PDE1C: variants seen among roughly 807,000 people sequenced by gnomAD.
PDE1C encodes the protein phosphodiesterase 1C.
Under a neutral mutation model 93.1 loss-of-function variants are expected in PDE1C, and 62 were observed. That is an observed-to-expected ratio of 0.67 (90% CI 0.54 to 0.82). The LOEUF is 0.82. Ranked by LOEUF, PDE1C falls within the 40% of genes least tolerant of loss-of-function variation. The probability of loss-of-function intolerance (pLI) is 0.00; values close to 1 mark genes in which losing one functional copy is unlikely to be tolerated. For synonymous variants in PDE1C, 325 were observed against 310.1 expected, an observed-to-expected ratio of 1.05 and a Z score of -0.50; for missense variants, 742 against 884.6, an observed-to-expected ratio of 0.84 and a Z score of 2.04.
intron 9 of PDE1C, among the ~76,000 whole-genome samples, chr7:31,845,474 A>G (rs1792445118): frequency 6.6e-6 from 1 of 152,116 alleles, no homozygotes; most frequent in African/African-American, 2.4e-5. Flanking sequence ...AGTAAGCAAT[A>G]CATCAGATAT....
Position 31,901,235 on chromosome 7 carries a change from G to C in PDE1C, c.129-20375C>G, listed in dbSNP as rs146194939. On this transcript the variant is annotated intron_variant, in intron 2 of 17. Coordinates refer to ENST00000396191, the MANE Select transcript of PDE1C (RefSeq NM_001191057.4). ...TTGAACAAAAATTTCATTACTTTTAGATTATAAAAAGTTCAATAAATTTTA... is the reference window on the plus strand; with the variant it reads ...TTGAACAAAAATTTCATTACTTTTACATTATAAAAAGTTCAATAAATTTTA... Among the ~76,000 whole-genome samples the C allele has an allele frequency of 4.7e-3, 705 of 151,036 alleles. 6 individuals carry two copies. Among genetic ancestry groups the C allele is most frequent in the African/African-American group, 0.016 (653 of 41,372 alleles).
chr7:32,111,698 C>CA (rs548571776), intron 3 of PDE1C, among the ~76,000 whole-genome samples: 1 of 152,030 alleles, frequency 6.6e-6, no homozygotes, highest in East Asian at 1.9e-4. Context: ...AGATTGTGAG[C>CA]AAAAAAAGCT....
intron 2 of PDE1C, among the ~76,000 whole-genome samples, chr7:32,195,831 G>A (rs1410716562): frequency 1.3e-5 from 2 of 152,208 alleles, no homozygotes; most frequent in African/African-American, 4.8e-5. Context: ...AGAGGTAGAA[G>A]TTCAAGTTCC....
At chr7:32,120,916 T>G (rs897742985) in intron 3 of PDE1C, among the ~76,000 whole-genome samples, 12 of 151,910 alleles carry the variant, frequency 7.9e-5, no homozygotes, top group African/African-American at 2.2e-4. Context: ...AGAAGATGGG[T>G]AATAAAAAAC....
chr7:31,888,998 A>G (rs1798301785), intron 2 of PDE1C, among the ~76,000 whole-genome samples: 1 of 152,206 alleles, frequency 6.6e-6, no homozygotes, highest in African/African-American at 2.4e-5. Context: ...GATATTATTG[A>G]GAGAAGTTTA....
At chr7:32,233,467 T>A (rs1412390682) in intron 1 of PDE1C, among the ~76,000 whole-genome samples, 2 of 151,908 alleles carry the variant, frequency 1.3e-5, no homozygotes, top group African/African-American at 4.8e-5. Flanking sequence ...CTATAGAAAA[T>A]TTAAAAGTAA....
chr7:31,851,519 G>A (rs967170520), intron 7 of PDE1C, among the ~76,000 whole-genome samples: 9 of 152,076 alleles, frequency 5.9e-5, no homozygotes, highest in Non-Finnish European at 1.0e-4. Flanking sequence ...TCCATTTAAC[G>A]GACTCTGTGG....
intron 2 of PDE1C, among the ~76,000 whole-genome samples, chr7:31,975,140 A>G (rs1351061378): frequency 6.6e-6 from 1 of 152,130 alleles, no homozygotes; most frequent in Non-Finnish European, 1.5e-5. Context: ...CTACAGTCCT[A>G]TGCCTCTCAC....
intron 1 of PDE1C, among the ~76,000 whole-genome samples, chr7:32,334,005 A>G (rs545672537): frequency 2.6e-5 from 4 of 152,304 alleles, no homozygotes; most frequent in Middle Eastern, 3.4e-3. Context: ...ATTGAAACCT[A>G]TATTTGAATT....
chr7:32,161,473 T>A (rs1801914739), intron 3 of PDE1C, among the ~76,000 whole-genome samples: 1 of 152,212 alleles, frequency 6.6e-6, no homozygotes, highest in Non-Finnish European at 1.5e-5. Flanking sequence ...ACAGGTTGTG[T>A]ACAATGAAGT....
chr7:31,874,954 A>C (rs552257383), intron 5 of PDE1C, among the ~76,000 whole-genome samples: 48 of 152,342 alleles, frequency 3.2e-4, no homozygotes, highest in African/African-American at 1.1e-3. Context: ...TAACCTCACC[A>C]ATGACCCTTA....
the PDE1C span, among the ~76,000 whole-genome samples, chr7:31,659,068 A>C: frequency 6.6e-6 from 1 of 152,178 alleles, no homozygotes; most frequent in Non-Finnish European, 1.5e-5. Flanking sequence ...TTAAAAACTG[A>C]AAGTATTTGG....
chr7:32,141,152 C>T (rs1262129740), intron 3 of PDE1C, among the ~76,000 whole-genome samples: 1 of 152,190 alleles, frequency 6.6e-6, no homozygotes, highest in Non-Finnish European at 1.5e-5. Context: ...TAATCCCATC[C>T]CTCATAAGTG....
intron 2 of PDE1C, among the ~76,000 whole-genome samples, chr7:31,928,002 G>A (rs1803630213): frequency 6.6e-6 from 1 of 152,010 alleles, no homozygotes. Context: ...TGAGCTAAAG[G>A]AGCATGTTCT....
chr7:31,956,452 T>TG (rs370247083), intron 2 of PDE1C, among the ~76,000 whole-genome samples: 40 of 151,990 alleles, frequency 2.6e-4, no homozygotes, highest in African/African-American at 9.4e-4. Context: ...AAGCTCCTTC[T>TG]GACTCATCTA....
At chr7:31,680,302 T>C in the PDE1C span, among the ~76,000 whole-genome samples, 3 of 151,996 alleles carry the variant, frequency 2.0e-5, 1 homozygote, top group Middle Eastern at 0.01. Context: ...CATGAGCAAG[T>C]AAATGATGAG....
chr7:31,837,367 A>G, intron 10 of PDE1C, 67 bp from the exon 11 acceptor site: 1 of 1,421,548 alleles, frequency 7.0e-7, no homozygotes, highest in Non-Finnish European at 9.4e-7. Flanking sequence ...GAGTTTTTTA[A>G]AAATCATTAA....
chr7:31,779,490 C>T (rs1019820326), intron 16 of PDE1C, among the ~76,000 whole-genome samples: 22 of 152,130 alleles, frequency 1.4e-4, no homozygotes, highest in African/African-American at 4.1e-4. Flanking sequence ...TTTGCAAACA[C>T]TGAGTAAGGG....
At chr7:31,960,961 G>C (rs1808853031) in intron 2 of PDE1C, among the ~76,000 whole-genome samples, 1 of 152,044 alleles carries the variant, frequency 6.6e-6, no homozygotes, top group Non-Finnish European at 1.5e-5. Context: ...CAAGATCTGT[G>C]TGTTCAATTT....
Sources: gnomAD v4.1 joint callset for allele counts (sites outside exome capture counted in the v4.1 genomes callset) on GRCh38, gnomAD v4.1.1 for gene constraint, MANE v1.5 for transcripts, NCBI Gene and HGNC (gene_info 2026-07-23, HGNC 2026-07-21) for gene names.